Variants in ELAPOR1 observed in about 807,000 individuals in gnomAD.
ELAPOR1 encodes the protein endosome-lysosome associated apoptosis and autophagy regulator 1, also known as endosome/lysosome-associated apoptosis and autophagy regulator 1.
ELAPOR1 carries 77 observed loss-of-function variants against 119.7 expected under a neutral mutation model. That is an observed-to-expected ratio of 0.64 (90% CI 0.54 to 0.78). The LOEUF is 0.78. Among genes scored for constraint, ELAPOR1 ranks in the 30% least tolerant of loss-of-function variants. ELAPOR1 has a pLI of 0.00. For missense variants in ELAPOR1, 1,115 were observed against 1,270.4 expected (o/e 0.88, Z 1.86); for synonymous variants, 481 against 487.2 (o/e 0.99, Z 0.17).
chr1:109,124,526 A>T (rs1366450471), intron 1 of ELAPOR1, among the ~76,000 whole-genome samples: 1 of 152,246 alleles, frequency 6.6e-6, no homozygotes, highest in Non-Finnish European at 1.5e-5. Context: ...TTGCATATAT[A>T]GTTGTAAACA....
At chr1:109,130,372 A>G (rs1400644948) in intron 1 of ELAPOR1, among the ~76,000 whole-genome samples, 1 of 152,144 alleles carries the variant, frequency 6.6e-6, no homozygotes, top group Non-Finnish European at 1.5e-5. Context: ...GGTTAAGGAG[A>G]GCTTCACAGA....
intron 21 of ELAPOR1, chr1:109,201,391 C>T (rs1261102889): frequency 2.2e-6 from 1 of 455,916 alleles, no homozygotes; most frequent in Non-Finnish European, 4.4e-6. Context: ...CAATTCTGAG[C>T]TGGGAGGGCT....
At position 109,202,972 on chromosome 1, in the gene ELAPOR1, C is replaced by T. The variant is rs771601560; in HGVS notation, c.3002C>T (p.Pro1001Leu). 137 of 1,613,586 alleles carry T rather than the reference C, an allele frequency of 8.5e-5. No individual in the cohort carries two copies. The Admixed American group carries it at 2.1e-3, about 25-fold the overall frequency. Reference sequence around the variant, plus strand: ...ACTCCTGATGGATTTGACTCAGTGCCGCTGAAGACATCCTCAGGAGGCCTA... The same window carrying T: ...ACTCCTGATGGATTTGACTCAGTGCTGCTGAAGACATCCTCAGGAGGCCTA... ...KRTPDGFDSV[P>L]LKTSSGGLDM... The change falls in exon 22 of 22, where the codon CCG becomes CTG. Residue 1001 changes from proline (P) to leucine (L), a missense_variant. Physicochemically the swap from Pro to Leu is moderately conservative, Grantham distance 98. Transcript: ENST00000369939.
At chr1:109,189,336 T>C in intron 10 of ELAPOR1, 142 bp downstream of exon 10, 1 of 1,105,662 alleles carries the variant, frequency 9.0e-7, no homozygotes. Flanking sequence ...CCACTCCTCA[T>C]GGACATATGT....
In ELAPOR1 at chr1:109,172,579, C is replaced by T. The variant is rs781599678; in HGVS notation, c.696+11C>T. On this transcript the variant is annotated intron_variant, in intron 5 of 21. Transcript: ENST00000369939. ...TGGGAATTCCACAGTGTGAGTATCACACCAGCCTTCTCCCAGAGATCCCAG... is the reference window on the plus strand; with the variant it reads ...TGGGAATTCCACAGTGTGAGTATCATACCAGCCTTCTCCCAGAGATCCCAG... 7 of 1,603,794 alleles carry T rather than the reference C, an allele frequency of 4.4e-6. No homozygotes were observed. In the African/African-American group the frequency reaches 5.4e-5, roughly 12 times the overall value.
Position 109,161,917 on chromosome 1 carries a change from G to A in ELAPOR1, c.177G>A (p.Thr59=), listed in dbSNP as rs200793510. The A allele has an allele frequency of 2.2e-5, 35 of 1,613,772 alleles. No individual in the cohort carries two copies. In the East Asian group the frequency reaches 4.2e-4, roughly 20 times the overall value. ...AGTCTGAGTACCACTATGAGTACAC[G>A]GCGTGTGACAGCACGGGTTCCAGGT... ...CKESEYHYEY[T]ACDSTGSRWR... The change falls in exon 2 of 22, where the codon ACG becomes ACA. Residue 59 remains threonine (T), a synonymous_variant. Coordinates refer to ENST00000369939, the MANE Select transcript of ELAPOR1 (RefSeq NM_020775.5).
At chr1:109,144,049 A>ATTT in intron 1 of ELAPOR1, among the ~76,000 whole-genome samples, 1 of 44,838 alleles carries the variant, frequency 2.2e-5, no homozygotes, top group Non-Finnish European at 4.9e-5. Context: ...ATATATATAT[A>ATTT]TATATTTATA....
At chr1:109,165,439 G>A (rs1156300190) in intron 3 of ELAPOR1, among the ~76,000 whole-genome samples, 1 of 152,022 alleles carries the variant, frequency 6.6e-6, no homozygotes, top group Non-Finnish European at 1.5e-5. Context: ...CAAAAAATTA[G>A]CCAGGCCTGG....
At position 109,161,919 on chromosome 1, in the gene ELAPOR1, C is replaced by A; in HGVS notation, c.179C>A (p.Ala60Glu). 1.2e-6 allele frequency: 2 copies of A among 1,613,906 alleles called. No homozygotes were observed. Among genetic ancestry groups the A allele is most frequent in the East Asian group, 2.2e-5 (1 of 44,882 alleles). The change falls in exon 2 of 22, where the codon GCG (alanine) becomes GAG (glutamate). Residue 60 changes from alanine to glutamate, a missense_variant. Ala to Glu is a moderately radical substitution (Grantham distance 107). Coordinates refer to ENST00000369939, the MANE Select transcript of ELAPOR1 (RefSeq NM_020775.5). ...TCTGAGTACCACTATGAGTACACGG[C>A]GTGTGACAGCACGGGTTCCAGGTGG... is the stretch of plus-strand genomic sequence containing the variant. Reference protein sequence around the residue: ...KESEYHYEYTACDSTGSRWRV... With the variant: ...KESEYHYEYTECDSTGSRWRV...
intron 5 of ELAPOR1, 102 bp downstream of exon 5, chr1:109,172,670 C>A: frequency 1.3e-6 from 1 of 796,344 alleles, no homozygotes; most frequent in Non-Finnish European, 2.1e-6. Flanking sequence ...CCCCAATGTC[C>A]CTGGAGGGCA....
chr1:109,156,551 A>G (rs1031807441), intron 1 of ELAPOR1, among the ~76,000 whole-genome samples: 4 of 152,228 alleles, frequency 2.6e-5, no homozygotes, highest in African/African-American at 9.6e-5. Context: ...TTTGACTACT[A>G]TGTACCTTGT....
At chr1:109,133,325 C>G (rs1391042163) in intron 1 of ELAPOR1, among the ~76,000 whole-genome samples, 4 of 150,900 alleles carry the variant, frequency 2.7e-5, no homozygotes, top group African/African-American at 7.4e-5. Context: ...GAAACTTGAC[C>G]CTGAGCTTTC....
At chr1:109,152,871 G>A (rs531171544) in intron 1 of ELAPOR1, among the ~76,000 whole-genome samples, 166 of 151,036 alleles carry the variant, frequency 1.1e-3, no homozygotes, top group Non-Finnish European at 1.7e-3. Context: ...GCCTGAGTTC[G>A]GGAGTTCAAG....
At chr1:109,174,937 G>A (rs1297441026) in intron 7 of ELAPOR1, among the ~76,000 whole-genome samples, 2 of 151,986 alleles carry the variant, frequency 1.3e-5, no homozygotes, top group Non-Finnish European at 2.9e-5. Context: ...GGGTGGTCTC[G>A]ATCTCCTGAC....
intron 18 of ELAPOR1, among the ~76,000 whole-genome samples, chr1:109,199,289 C>T (rs1214033489): frequency 2.0e-5 from 3 of 152,164 alleles, no homozygotes; most frequent in African/African-American, 4.8e-5. Flanking sequence ...CGGGCACTAG[C>T]GTCTTGAGGA....
intron 21 of ELAPOR1, chr1:109,201,552 T>A: frequency 2.9e-6 from 1 of 342,826 alleles, no homozygotes. Context: ...ACCTGACTAC[T>A]GCTCTGAACC....
In ELAPOR1 at chr1:109,203,401, C is replaced by A. The variant is rs374815312; in HGVS notation, c.*389C>A. ...GGCAGAAACAGCTGGGAGTTTTCCT[C>A]GCATGCCCTCAGCTCATGATCTCTT... On this transcript the variant is annotated 3_prime_UTR_variant, in exon 22 of 22. Coordinates refer to ENST00000369939, the MANE Select transcript of ELAPOR1 (RefSeq NM_020775.5). 2 of 211,510 alleles carry A rather than the reference C, an allele frequency of 9.5e-6. No individual in the cohort carries two copies. The highest frequency in any genetic ancestry group is 1.9e-5 in the Non-Finnish European group (2 of 107,692). 13.1% of individuals were successfully genotyped at this position (211,510 alleles called of 1,614,324 possible).
At chr1:109,122,197 A>G (rs1648473609) in intron 1 of ELAPOR1, among the ~76,000 whole-genome samples, 1 of 151,228 alleles carries the variant, frequency 6.6e-6, no homozygotes, top group Non-Finnish European at 1.5e-5. Flanking sequence ...ATCCTCCCGA[A>G]TAGCTGGGAT....
At position 109,191,761 on chromosome 1, in the gene ELAPOR1, G is replaced by T; in HGVS notation, c.1581G>T (p.Thr527=). Residue 527 remains threonine (T), a synonymous_variant, in exon 13 of 22, where the codon ACG becomes ACT. Coordinates refer to ENST00000369939, the MANE Select transcript of ELAPOR1 (RefSeq NM_020775.5). ...CTAGGACCAACACTCCTGTGGAGACGTGGAAAGGTTCCAAAGGCAAACAGT... is the reference window on the plus strand; with the variant it reads ...CTAGGACCAACACTCCTGTGGAGACTTGGAAAGGTTCCAAAGGCAAACAGT... ...VNSRTNTPVE[T]WKGSKGKQSY... 1 of 1,614,210 alleles carries T rather than the reference G, an allele frequency of 6.2e-7. No homozygotes were observed. Among genetic ancestry groups the T allele is most frequent in the Non-Finnish European group, 8.5e-7 (1 of 1,180,036 alleles).
Sources: gnomAD v4.1 joint callset for allele counts (sites outside exome capture counted in the v4.1 genomes callset) on GRCh38, gnomAD v4.1.1 for gene constraint, MANE v1.5 for transcripts, NCBI Gene and HGNC (gene_info 2026-07-23, HGNC 2026-07-21) for gene names.